ELAVL2: variants seen among roughly 807,000 people sequenced by gnomAD.
ELAVL2 encodes ELAV-like protein 2.
ELAVL2 carries 4 observed loss-of-function variants against 34.6 expected under a neutral mutation model. The observed-to-expected ratio is 0.12, with a 90% confidence interval of 0.06 to 0.26. The LOEUF is 0.26. ELAVL2 is among the 10% of genes least tolerant of loss of function. ELAVL2 has a pLI of 1.00. For missense variants in ELAVL2, 432 were observed against 442.8 expected (o/e 0.98, Z 0.22); for synonymous variants, 193 against 154.8 (o/e 1.25, Z -1.83).
intron 1 of ELAVL2, among the ~76,000 whole-genome samples, chr9:23,794,464 G>A (rs2060677386): frequency 6.6e-6 from 1 of 152,180 alleles, no homozygotes; most frequent in African/African-American, 2.4e-5. Context: ...AAAAGCTTCT[G>A]AGGACAACAA....
At chr9:23,753,481 T>C (rs1011251997) in intron 2 of ELAVL2, among the ~76,000 whole-genome samples, 3 of 152,008 alleles carry the variant, frequency 2.0e-5, no homozygotes, top group Non-Finnish European at 2.9e-5. Context: ...GGTAGTGAAA[T>C]AGAATGAAAA....
chr9:23,775,073 C>A (rs1419547492), intron 1 of ELAVL2, among the ~76,000 whole-genome samples: 1 of 152,150 alleles, frequency 6.6e-6, no homozygotes, highest in Admixed American at 6.5e-5. Flanking sequence ...AGAAAAGGAA[C>A]TTTCCGTGGG....
chr9:23,812,064 T>C (rs1412372493), intron 1 of ELAVL2, among the ~76,000 whole-genome samples: 1 of 152,140 alleles, frequency 6.6e-6, no homozygotes, highest in Non-Finnish European at 1.5e-5. Context: ...TATATCTCTT[T>C]GCTTAATTCC....
intron 1 of ELAVL2, among the ~76,000 whole-genome samples, chr9:23,822,249 C>T (rs575518415): frequency 2.6e-5 from 4 of 152,102 alleles, no homozygotes; most frequent in African/African-American, 7.2e-5. Context: ...CTCTTTTTCC[C>T]CCTACTTCGC....
intron 2 of ELAVL2, among the ~76,000 whole-genome samples, chr9:23,742,422 C>T (rs1377753830): frequency 4.6e-5 from 7 of 152,088 alleles, no homozygotes; most frequent in African/African-American, 4.8e-5. Flanking sequence ...TGTGAATGCA[C>T]GTACATACCT....
At chr9:23,838,406 T>C in the ELAVL2 span, among the ~76,000 whole-genome samples, 1 of 152,026 alleles carries the variant, frequency 6.6e-6, no homozygotes, top group African/African-American at 2.4e-5. Context: ...AAAGACAACT[T>C]AGATAAAGAG....
At chr9:23,803,450 T>C (rs1422867369) in intron 1 of ELAVL2, among the ~76,000 whole-genome samples, 1 of 151,982 alleles carries the variant, frequency 6.6e-6, no homozygotes, top group Non-Finnish European at 1.5e-5. Context: ...CATTTGGGGG[T>C]TTACACCCTA....
chr9:23,704,183 TGGCCTCCCAAAGTGC>T (rs1348056059), intron 4 of ELAVL2, among the ~76,000 whole-genome samples: 1 of 142,902 alleles, frequency 7.0e-6, no homozygotes, highest in Non-Finnish European at 1.6e-5. Context: ...CCGCCCTCCT[TGGCCTCCCAAAGTGC>T]TTGGATTATA....
At chr9:23,703,773 G>A (rs1036872508) in intron 4 of ELAVL2, among the ~76,000 whole-genome samples, 4 of 151,956 alleles carry the variant, frequency 2.6e-5, no homozygotes, top group African/African-American at 9.7e-5. Flanking sequence ...CAAACAGTGA[G>A]GAGAAAAGCT....
At chr9:23,748,725 G>C (rs2135483658) in intron 2 of ELAVL2, among the ~76,000 whole-genome samples, 1 of 152,194 alleles carries the variant, frequency 6.6e-6, no homozygotes, top group South Asian at 2.1e-4. Context: ...AACTAAATTT[G>C]AAGCCAGGCT....
rs528137245 is a variant in ELAVL2 at position 23,759,450 on chromosome 9, G to C, written c.229+2556C>G. On this transcript the variant is annotated intron_variant, in intron 2 of 6. Coordinates refer to ENST00000397312, the MANE Select transcript of ELAVL2 (RefSeq NM_004432.5). ...GGGCCAGATGGTTAATGAGTACAGG[G>C]TCACTGTTAAAAGAAATAAGTTCTG... is the stretch of plus-strand genomic sequence containing the variant. Among the ~76,000 whole-genome samples the C allele has an allele frequency of 4.4e-4, 67 of 151,788 alleles. No homozygotes were observed. The South Asian group carries it at 0.014, about 31-fold the overall frequency.
intron 3 of ELAVL2, among the ~76,000 whole-genome samples, chr9:23,716,926 G>C (rs768264992): frequency 3.3e-5 from 5 of 152,164 alleles, no homozygotes; most frequent in African/African-American, 4.8e-5. Flanking sequence ...AGAGTCTAGA[G>C]ACCTTGAATG....
chr9:23,828,513 T>C (rs904281946), upstream of ELAVL2, among the ~76,000 whole-genome samples: 1 of 152,164 alleles, frequency 6.6e-6, no homozygotes, highest in African/African-American at 2.4e-5. Flanking sequence ...GGGAGTGATA[T>C]GGAGTAATAA....
In ELAVL2 at chr9:23,797,007, A is replaced by G. The variant is rs796724276; in HGVS notation, c.-16+28799T>C. 8.5e-5 allele frequency among the ~76,000 whole-genome samples: 13 copies of G among 152,286 alleles called. 1 individual carries two copies. Among genetic ancestry groups the G allele is most frequent in the African/African-American group, 3.1e-4 (13 of 41,572 alleles). ...GCAAAGCTGGTTGATGCAGAGTCCAACTCACAAGCATGACATGGTAGCCAA... is the reference window on the plus strand; with the variant it reads ...GCAAAGCTGGTTGATGCAGAGTCCAGCTCACAAGCATGACATGGTAGCCAA... On this transcript the variant is annotated intron_variant, in intron 1 of 6. Coordinates refer to ENST00000397312, the MANE Select transcript of ELAVL2 (RefSeq NM_004432.5).
At chr9:23,805,078 CT>C (rs1391206005) in intron 1 of ELAVL2, among the ~76,000 whole-genome samples, 1 of 152,136 alleles carries the variant, frequency 6.6e-6, no homozygotes, top group African/African-American at 2.4e-5. Flanking sequence ...TGACAAACCC[CT>C]GCTAGGAATT....
chr9:23,730,991 G>C (rs370714450), intron 3 of ELAVL2, 31 bp downstream of exon 3: 11 of 1,574,626 alleles, frequency 7.0e-6, no homozygotes, highest in South Asian at 6.9e-5. Context: ...CTTCTGTTCC[G>C]CAAGTAGATA....
intron 3 of ELAVL2, among the ~76,000 whole-genome samples, chr9:23,709,230 C>T (rs561106798): frequency 4.5e-4 from 69 of 152,208 alleles, no homozygotes; most frequent in Non-Finnish European, 5.7e-4. Context: ...TCAAGGATAT[C>T]GCTGTCATCA....
intron 1 of ELAVL2, among the ~76,000 whole-genome samples, chr9:23,808,759 G>A (rs892582899): frequency 6.6e-6 from 1 of 152,092 alleles, no homozygotes; most frequent in Non-Finnish European, 1.5e-5. Flanking sequence ...TAATCACAGG[G>A]AATGAGAGAG....
chr9:23,715,274 G>A (rs774383180), intron 3 of ELAVL2, among the ~76,000 whole-genome samples: 17 of 152,226 alleles, frequency 1.1e-4, no homozygotes, highest in Admixed American at 2.0e-4. Flanking sequence ...TCAGCCTCCC[G>A]AGTAGCTGGG....
Sources: gnomAD v4.1 joint callset for allele counts (sites outside exome capture counted in the v4.1 genomes callset) on GRCh38, gnomAD v4.1.1 for gene constraint, MANE v1.5 for transcripts, NCBI Gene and HGNC (gene_info 2026-07-23, HGNC 2026-07-21) for gene names.